The following KSR2 variants were observed in gnomAD, a reference collection of about 807,000 sequenced individuals.
KSR2 encodes the protein kinase suppressor of ras 2.
A neutral mutation model predicts 107.8 loss-of-function variants in KSR2; 25 were observed. The observed-to-expected ratio is 0.23, with a 90% CI of 0.17 to 0.32. KSR2 has a LOEUF of 0.32. KSR2 is among the 10% of genes least tolerant of loss of function. KSR2 has a pLI of 1.00. For synonymous variants in KSR2, 480 were observed against 507.0 expected (o/e 0.95, Z 0.71); for missense variants, 887 against 1,268.9 (o/e 0.70, Z 4.57).
At chr12:117,552,444 A>G (rs181730572) in intron 9 of KSR2, among the ~76,000 whole-genome samples, 13 of 152,310 alleles carry the variant, frequency 8.5e-5, no homozygotes, top group Admixed American at 8.5e-4. Context: ...AGCAGAAGTG[A>G]CACTGTCAAA....
chr12:117,938,607 G>A (rs1278517811), intron 1 of KSR2, among the ~76,000 whole-genome samples: 1 of 150,826 alleles, frequency 6.6e-6, no homozygotes, highest in Non-Finnish European at 1.5e-5. Flanking sequence ...AAAATTAACC[G>A]GGCATGGTGG....
intron 12 of KSR2, among the ~76,000 whole-genome samples, chr12:117,529,786 T>TGCACCTAGGAGTTTGAGAC: frequency 6.6e-6 from 1 of 152,044 alleles, no homozygotes; most frequent in Non-Finnish European, 1.5e-5. Context: ...AATGATCACT[T>TGCACCTAGGAGTTTGAGAC]GCACCTAGGA....
chr12:117,931,206 C>G (rs1192314214), intron 1 of KSR2, among the ~76,000 whole-genome samples: 1 of 151,952 alleles, frequency 6.6e-6, no homozygotes, highest in East Asian at 1.9e-4. Context: ...GGATCTCAAC[C>G]AAAAAGAAGC....
intron 1 of KSR2, among the ~76,000 whole-genome samples, chr12:117,916,444 G>A (rs908465005): frequency 1.3e-5 from 2 of 152,072 alleles, no homozygotes; most frequent in Admixed American, 6.6e-5. Context: ...GCCAAACTGT[G>A]AGTGTTTATT....
intron 1 of KSR2, among the ~76,000 whole-genome samples, chr12:117,876,295 C>T (rs886503775): frequency 4.4e-4 from 67 of 152,328 alleles, no homozygotes; most frequent in African/African-American, 1.6e-3. Flanking sequence ...ACAAGAAAAT[C>T]CCCTGCTGAG....
At chr12:117,500,561 T>C (rs1873317568) in intron 14 of KSR2, among the ~76,000 whole-genome samples, 2 of 152,204 alleles carry the variant, frequency 1.3e-5, no homozygotes, top group Non-Finnish European at 2.9e-5. Context: ...ACTGGCATTC[T>C]ACCCTAATTC....
At chr12:117,860,194 T>C (rs1893241136) in intron 2 of KSR2, 97 bp downstream of exon 2, 1 of 1,292,138 alleles carries the variant, frequency 7.7e-7, no homozygotes, top group Admixed American at 2.1e-5. Context: ...TGCCAGGGAC[T>C]GTGCTGGGCA....
chr12:117,794,450 ACACACCAACATGCACACT>A lies in KSR2; in HGVS notation c.473-32944_473-32927del, dbSNP rs1458853482. 1.1e-3 allele frequency among the ~76,000 whole-genome samples: 46 copies of A among 40,686 alleles called. 1 individual carries two copies. The South Asian group carries it at 0.017, about 15-fold the overall frequency. The allele number at this position is 40,686 out of a possible 152,430, so 26.7% of individuals were successfully genotyped here. A position where few individuals can be genotyped will look rare whatever the true frequency, so the allele number is the denominator to read the frequency against. ...CATGCACACTCACACCAACATGCACACACACCAACATGCACACTCACACCAACATGCACACTCACACCA... is the reference window on the plus strand; with the variant it reads ...CATGCACACTCACACCAACATGCACACACACCAACATGCACACTCACACCA... On this transcript the variant is annotated intron_variant, in intron 3 of 19. Transcript: ENST00000339824.
intron 4 of KSR2, among the ~76,000 whole-genome samples, chr12:117,717,857 AAG>A (rs1218353582): frequency 6.6e-6 from 1 of 152,194 alleles, no homozygotes; most frequent in Non-Finnish European, 1.5e-5. Context: ...ACCTTAGAGA[AAG>A]AAGTTTCTCT....
chr12:117,771,453 A>G (rs938505484), intron 3 of KSR2, among the ~76,000 whole-genome samples: 7 of 152,178 alleles, frequency 4.6e-5, no homozygotes, highest in African/African-American at 1.7e-4. Flanking sequence ...CACCTTGGAC[A>G]CATGTCATCA....
chr12:117,856,740 G>A (rs999151161), intron 2 of KSR2, among the ~76,000 whole-genome samples: 2 of 152,142 alleles, frequency 1.3e-5, no homozygotes, highest in Non-Finnish European at 2.9e-5. Flanking sequence ...GCCTCCGAAA[G>A]TAAATAAGGG....
intron 4 of KSR2, among the ~76,000 whole-genome samples, chr12:117,756,042 G>A (rs1415425060): frequency 6.6e-6 from 1 of 152,144 alleles, no homozygotes; most frequent in African/African-American, 2.4e-5. Flanking sequence ...AAGAAAATGT[G>A]GACACCAGTA....
chr12:117,795,068 G>C (rs2137001319), intron 3 of KSR2, among the ~76,000 whole-genome samples: 1 of 152,260 alleles, frequency 6.6e-6, no homozygotes. Context: ...TTGGTGTCAT[G>C]CTTCTTTCCT....
Position 117,667,443 on chromosome 12 carries a change from G to A in KSR2, c.1171+31C>T, listed in dbSNP as rs77896749. On this transcript the variant is annotated intron_variant, in intron 5 of 19. Transcript: ENST00000339824. ...GGGAGAAGGAGGTGGCATGGCAAGC[G>A]TTCCCAGTGCAGCCCGGCAGGGTGA... 4,075 of 1,593,578 alleles carry A rather than the reference G, an allele frequency of 2.6e-3. 93 individuals are homozygous for A. In the African/African-American group the frequency reaches 0.045, roughly 18 times the overall value.
chr12:117,787,813 T>G (rs1890131339), intron 3 of KSR2, among the ~76,000 whole-genome samples: 1 of 152,180 alleles, frequency 6.6e-6, no homozygotes, highest in South Asian at 2.1e-4. Flanking sequence ...AGATCTTTAT[T>G]AACAGGATGA....
chr12:117,553,829 C>G (rs1877475716), intron 9 of KSR2, among the ~76,000 whole-genome samples: 1 of 151,148 alleles, frequency 6.6e-6, no homozygotes. Flanking sequence ...CCCCTCCTCT[C>G]CCCTTCCCTC....
chr12:117,705,562 A>C (rs1044577758), intron 4 of KSR2, among the ~76,000 whole-genome samples: 2 of 152,164 alleles, frequency 1.3e-5, no homozygotes, highest in Non-Finnish European at 2.9e-5. Context: ...CCCAGCCTCA[A>C]CTTGGCCTTG....
intron 1 of KSR2, among the ~76,000 whole-genome samples, chr12:117,870,191 TC>T (rs777330489): frequency 1.3e-5 from 2 of 152,190 alleles, no homozygotes; most frequent in Non-Finnish European, 2.9e-5. Flanking sequence ...CTAAGTGAAT[TC>T]CCGAATTCTA....
chr12:117,898,313 CTGTT>C (rs1486061270), intron 1 of KSR2, among the ~76,000 whole-genome samples: 3 of 151,590 alleles, frequency 2.0e-5, no homozygotes, highest in African/African-American at 4.8e-5. Flanking sequence ...TTTTATGTGG[CTGTT>C]TGTCTCCTTT....
Sources: allele counts gnomAD v4.1 joint callset (sites outside exome capture counted in the v4.1 genomes callset), GRCh38; gene constraint gnomAD v4.1.1; transcripts MANE v1.5; gene names NCBI Gene and HGNC (gene_info 2026-07-23, HGNC 2026-07-21).